The following MAGI2 variants were observed in gnomAD, a reference collection of about 807,000 sequenced individuals.
The protein encoded by MAGI2 is membrane-associated guanylate kinase, WW and PDZ domain-containing protein 2.
In MAGI2, 35 loss-of-function variants were observed where a neutral mutation model predicts 133.3. The observed-to-expected ratio is 0.26, with a 90% confidence interval of 0.20 to 0.35. The LOEUF (loss-of-function observed/expected upper bound fraction) is 0.35, where lower values mean the gene tolerates loss of function less well. MAGI2 is among the 10% of genes least tolerant of loss of function. The pLI is 1.00. For missense variants in MAGI2, 1,636 were observed against 1,863.4 expected, an observed-to-expected ratio of 0.88 and a Z score of 2.25; for synonymous variants, 729 against 710.6, an observed-to-expected ratio of 1.03 and a Z score of -0.41.
rs80246277 is a variant in MAGI2, at chr7:78,844,491, G to A, written c.418+162599C>T. On this transcript the variant is annotated intron_variant, in intron 2 of 21. Transcript: ENST00000354212. ...TTAACTATAAAAGAGAATAAAAAAG[G>A]ACAGAGTACTGATCCATGCTACAAC... Among the ~76,000 whole-genome samples the A allele has an allele frequency of 3.1e-4, 47 of 151,922 alleles. 1 individual carries two copies. The East Asian group carries it at 8.4e-3, about 27-fold the overall frequency.
intron 1 of MAGI2, among the ~76,000 whole-genome samples, chr7:79,290,161 A>G (rs1341495727): frequency 6.6e-6 from 1 of 152,012 alleles, no homozygotes; most frequent in Non-Finnish European, 1.5e-5. Context: ...GTGACTTCTA[A>G]GGGTACTATT....
chr7:79,109,058 T>G (rs1194765212), intron 1 of MAGI2, among the ~76,000 whole-genome samples: 1 of 152,206 alleles, frequency 6.6e-6, no homozygotes, highest in Non-Finnish European at 1.5e-5. Flanking sequence ...TTAAGCCTCT[T>G]CTCTTTATAG....
chr7:79,375,256 C>T (rs1843306059), intron 1 of MAGI2, among the ~76,000 whole-genome samples: 2 of 151,898 alleles, frequency 1.3e-5, no homozygotes, highest in South Asian at 4.2e-4. Flanking sequence ...GCCTACAGTC[C>T]CATCAGAAAG....
At chr7:79,389,690 C>T (rs1052798106) in intron 1 of MAGI2, among the ~76,000 whole-genome samples, 3 of 148,966 alleles carry the variant, frequency 2.0e-5, no homozygotes, top group South Asian at 2.1e-4. Context: ...TTATATTTGA[C>T]TTAAAAGTTG....
At chr7:78,644,601 A>G (rs1455613859) in intron 2 of MAGI2, among the ~76,000 whole-genome samples, 1 of 152,188 alleles carries the variant, frequency 6.6e-6, no homozygotes, top group Non-Finnish European at 1.5e-5. Context: ...ATCATTTTGA[A>G]CTAACTAAAA....
intron 1 of MAGI2, among the ~76,000 whole-genome samples, chr7:79,388,006 C>A (rs541219397): frequency 6.6e-6 from 1 of 151,574 alleles, no homozygotes; most frequent in African/African-American, 2.4e-5. Context: ...TGATATTTCC[C>A]CAAATTAAAA....
chr7:78,439,273 G>A (rs1787362750), intron 6 of MAGI2, among the ~76,000 whole-genome samples: 1 of 152,172 alleles, frequency 6.6e-6, no homozygotes, highest in African/African-American at 2.4e-5. Flanking sequence ...GAGCACTCAG[G>A]TTCTTTGATT....
intron 3 of MAGI2, among the ~76,000 whole-genome samples, chr7:78,524,372 T>C (rs779419248): frequency 4.1e-5 from 6 of 146,494 alleles, no homozygotes. Flanking sequence ...AAGAGCTTTA[T>C]TAAAAAAAAC....
intron 9 of MAGI2, among the ~76,000 whole-genome samples, chr7:78,276,606 A>G (rs563954471): frequency 1.1e-3 from 164 of 148,070 alleles, no homozygotes; most frequent in Middle Eastern, 6.8e-3. Flanking sequence ...CATGAACACT[A>G]ATTTTAACAA....
intron 1 of MAGI2, among the ~76,000 whole-genome samples, chr7:79,218,111 G>A (rs1830165271): frequency 6.6e-6 from 1 of 152,010 alleles, no homozygotes; most frequent in South Asian, 2.1e-4. Flanking sequence ...CAAAGAGCAG[G>A]AGAGTGGCTA....
At chr7:79,053,195 G>C (rs1223526526) in intron 1 of MAGI2, among the ~76,000 whole-genome samples, 2 of 152,098 alleles carry the variant, frequency 1.3e-5, no homozygotes, top group Non-Finnish European at 1.5e-5. Context: ...GGATGGTCTC[G>C]ATCTCCTGAC....
intron 1 of MAGI2, among the ~76,000 whole-genome samples, chr7:79,330,298 A>G (rs745717542): frequency 7.2e-6 from 1 of 138,370 alleles, no homozygotes; most frequent in African/African-American, 2.8e-5. Context: ...GGTTCATGCC[A>G]TTCTTCTGCC....
At chr7:79,241,587 G>C (rs1832420814) in intron 1 of MAGI2, among the ~76,000 whole-genome samples, 2 of 152,194 alleles carry the variant, frequency 1.3e-5, no homozygotes, top group Non-Finnish European at 2.9e-5. Context: ...GATGATAATA[G>C]TCTCTTCCTA....
intron 2 of MAGI2, among the ~76,000 whole-genome samples, chr7:78,897,103 G>C (rs1797271431): frequency 6.6e-6 from 1 of 152,072 alleles, no homozygotes; most frequent in African/African-American, 2.4e-5. Flanking sequence ...TCACAATACA[G>C]CCCAATGCAT....
At chr7:78,888,062 A>G (rs1315906784) in intron 2 of MAGI2, among the ~76,000 whole-genome samples, 3 of 152,186 alleles carry the variant, frequency 2.0e-5, no homozygotes, top group Non-Finnish European at 4.4e-5. Flanking sequence ...GTCTTAGCAA[A>G]CGGCATACCA....
At chr7:78,120,341 T>C (rs979864548) in intron 20 of MAGI2, among the ~76,000 whole-genome samples, 2 of 152,156 alleles carry the variant, frequency 1.3e-5, no homozygotes, top group Admixed American at 6.5e-5. Flanking sequence ...AGGCGGAGCT[T>C]GCAGTGAGCC....
chr7:79,042,364 T>C (rs999587681), intron 1 of MAGI2, among the ~76,000 whole-genome samples: 24 of 152,226 alleles, frequency 1.6e-4, no homozygotes, highest in Admixed American at 1.3e-4. Flanking sequence ...CTCTTTTTCA[T>C]TTTCTGTGTG....
chr7:78,847,943 T>C (rs539123670), intron 2 of MAGI2, among the ~76,000 whole-genome samples: 15 of 152,114 alleles, frequency 9.9e-5, no homozygotes, highest in South Asian at 8.3e-4. Context: ...TTAACTGAAT[T>C]ACTGAATAAC....
intron 1 of MAGI2, among the ~76,000 whole-genome samples, chr7:79,340,948 A>G (rs1317074415): frequency 6.6e-6 from 1 of 152,164 alleles, no homozygotes; most frequent in East Asian, 1.9e-4. Context: ...GAACTCTGGC[A>G]CAGGGTCATC....
Sources: allele counts gnomAD v4.1 joint callset (sites outside exome capture counted in the v4.1 genomes callset), GRCh38; gene constraint gnomAD v4.1.1; transcripts MANE v1.5; gene names NCBI Gene and HGNC (gene_info 2026-07-23, HGNC 2026-07-21).